Variants in TRPC4 observed in about 807,000 individuals in gnomAD.
The protein encoded by TRPC4 is short transient receptor potential channel 4.
Under a neutral mutation model 99.4 loss-of-function variants are expected in TRPC4, and 49 were observed. The observed-to-expected ratio is 0.49, with a 90% CI of 0.39 to 0.63. The LOEUF is 0.63. Among genes scored for constraint, TRPC4 ranks in the 20% least tolerant of loss-of-function variants. TRPC4 has a pLI of 0.00. For synonymous variants in TRPC4, 454 were observed against 425.9 expected (o/e 1.07, Z -0.81); for missense variants, 898 against 1,152.9 (o/e 0.78, Z 3.20).
intron 3 of TRPC4, among the ~76,000 whole-genome samples, chr13:37,745,436 GTATATATATATATATATA>G (rs1201385469): frequency 5.3e-4 from 11 of 20,710 alleles, no homozygotes; most frequent in African/African-American, 8.4e-4. Context: ...ATATATATGC[GTATATATATATATATATA>G]TATATATATA....
intron 1 of TRPC4, among the ~76,000 whole-genome samples, chr13:37,813,591 T>C (rs1410261848): frequency 6.6e-6 from 1 of 151,844 alleles, no homozygotes; most frequent in Non-Finnish European, 1.5e-5. Flanking sequence ...ACATTAAAAG[T>C]GTACAACTGT....
chr13:37,693,420 C>T lies in TRPC4; in HGVS notation c.898-1085G>A, dbSNP rs192343171. On this transcript the variant is annotated intron_variant, in intron 3 of 10. Coordinates refer to ENST00000379705, the MANE Select transcript of TRPC4 (RefSeq NM_016179.4). ...CTGATTGAAGGAGAAGTGTAAGTTCCTTGTAAGAGACTTGGAGAAGTTCTG... is the reference window on the plus strand; with the variant it reads ...CTGATTGAAGGAGAAGTGTAAGTTCTTTGTAAGAGACTTGGAGAAGTTCTG... Among the ~76,000 whole-genome samples the T allele has an allele frequency of 3.3e-3, 508 of 152,216 alleles. 6 individuals are homozygous for T. Among genetic ancestry groups the T allele is most frequent in the Non-Finnish European group, 3.1e-3 (213 of 68,010 alleles).
chr13:37,790,563 C>T (rs1450962262), intron 1 of TRPC4, among the ~76,000 whole-genome samples: 1 of 152,128 alleles, frequency 6.6e-6, no homozygotes, highest in African/African-American at 2.4e-5. Context: ...ATTTGCCTAC[C>T]TGGGCAAGCA....
intron 1 of TRPC4, among the ~76,000 whole-genome samples, chr13:37,837,247 C>T (rs1346645001): frequency 6.6e-6 from 1 of 152,266 alleles, no homozygotes; most frequent in Non-Finnish European, 1.5e-5. Flanking sequence ...ATCCCCCACA[C>T]AGAGTCCCTA....
intron 2 of TRPC4, among the ~76,000 whole-genome samples, chr13:37,771,317 A>C (rs1214657714): frequency 6.6e-6 from 1 of 151,744 alleles, no homozygotes; most frequent in Admixed American, 6.6e-5. Flanking sequence ...CCTTGTCCTC[A>C]CTTTCCTACT....
chr13:37,796,971 A>AAATAAAAT, intron 1 of TRPC4, among the ~76,000 whole-genome samples: 1 of 125,528 alleles, frequency 8.0e-6, no homozygotes, highest in South Asian at 2.4e-4. Context: ...AAATAAAATA[A>AAATAAAAT]AGTAAAGTAA....
rs779445100 is a variant in TRPC4, at chr13:37,663,555, A to G, written c.1549T>C (p.Leu517=). 1 of 1,614,102 alleles carries G rather than the reference A, an allele frequency of 6.2e-7. No individual in the cohort carries two copies. Among genetic ancestry groups the G allele is most frequent in the Non-Finnish European group, 8.5e-7 (1 of 1,180,034 alleles). ...ISLGRMLLDI[L]KFLFIYCLVL... ...AGGCAGTATATGAATAGAAACTTCA[A>G]AATGTCCAGGAGCATTCTTCCCAGA... The change falls in exon 6 of 11, where the codon TTG becomes CTG. Residue 517 remains leucine (L), a synonymous_variant. Coordinates refer to ENST00000379705, the MANE Select transcript of TRPC4 (RefSeq NM_016179.4).
chr13:37,658,609 A>G (rs1326664250), intron 6 of TRPC4, among the ~76,000 whole-genome samples: 1 of 152,204 alleles, frequency 6.6e-6, no homozygotes, highest in Non-Finnish European at 1.5e-5. Context: ...TCCAACAAAT[A>G]TAAAAGGGCT....
chr13:37,707,167 A>G (rs1460100908), intron 3 of TRPC4, among the ~76,000 whole-genome samples: 1 of 152,196 alleles, frequency 6.6e-6, no homozygotes, highest in Non-Finnish European at 1.5e-5. Context: ...TATAAGAACT[A>G]TCATTTTTAT....
chr13:37,701,275 T>TTTTTA (rs1015898941), intron 3 of TRPC4, among the ~76,000 whole-genome samples: 1 of 152,190 alleles, frequency 6.6e-6, no homozygotes, highest in African/African-American at 2.4e-5. Flanking sequence ...GGCGTAATTT[T>TTTTTA]ATTTTTTATT....
intron 8 of TRPC4, among the ~76,000 whole-genome samples, chr13:37,640,441 C>T (rs780690066): frequency 1.3e-5 from 2 of 152,112 alleles, no homozygotes; most frequent in Non-Finnish European, 2.9e-5. Context: ...ATGCATCTGT[C>T]TTTCATGATT....
chr13:37,799,769 G>C (rs368370250), intron 1 of TRPC4, among the ~76,000 whole-genome samples: 5 of 152,150 alleles, frequency 3.3e-5, no homozygotes, highest in Admixed American at 2.0e-4. Flanking sequence ...AAGAAGGTTC[G>C]ATCTGAAGAC....
intron 2 of TRPC4, among the ~76,000 whole-genome samples, chr13:37,751,010 G>T (rs1008920525): frequency 1.3e-5 from 2 of 152,042 alleles, no homozygotes; most frequent in African/African-American, 4.8e-5. Context: ...TCTTCCTATA[G>T]AAAATGGAGA....
chr13:37,672,053 A>C (rs1196075431), intron 5 of TRPC4, among the ~76,000 whole-genome samples: 1 of 152,208 alleles, frequency 6.6e-6, no homozygotes, highest in Non-Finnish European at 1.5e-5. Flanking sequence ...AATTCTAAAC[A>C]TGAAGAACAA....
intron 1 of TRPC4, among the ~76,000 whole-genome samples, chr13:37,795,745 T>C (rs1341167576): frequency 6.6e-6 from 1 of 152,174 alleles, no homozygotes; most frequent in East Asian, 1.9e-4. Context: ...CTGTACCTTT[T>C]CAAAATTTTT....
chr13:37,694,274 G>A (rs1953836454), intron 3 of TRPC4, among the ~76,000 whole-genome samples: 1 of 152,142 alleles, frequency 6.6e-6, no homozygotes, highest in Non-Finnish European at 1.5e-5. Context: ...ACAAGCAGTT[G>A]CCATCATCTT....
At chr13:37,826,807 T>A (rs1958233206) in intron 1 of TRPC4, among the ~76,000 whole-genome samples, 2 of 152,186 alleles carry the variant, frequency 1.3e-5, no homozygotes, top group South Asian at 4.1e-4. Context: ...TTCCTGAATC[T>A]GAATGTTGCC....
In TRPC4 at chr13:37,823,315, C is replaced by T. The variant is rs764781097; in HGVS notation, c.-27-39955G>A. Among the ~76,000 whole-genome samples the T allele has an allele frequency of 6.5e-3, 987 of 151,670 alleles. 5 individuals carry two copies. The highest frequency in any genetic ancestry group is 0.011 in the Non-Finnish European group (750 of 67,926). On this transcript the variant is annotated intron_variant, in intron 1 of 10. Transcript: ENST00000379705. Reference sequence around the variant, plus strand: ...TCATTTTTGGCTTTTGTTGCCATTGCTTTTGGTGTTTTAGATATGAAGTCC... The same window carrying T: ...TCATTTTTGGCTTTTGTTGCCATTGTTTTTGGTGTTTTAGATATGAAGTCC...
At chr13:37,735,946 G>A (rs1047033646) in intron 3 of TRPC4, among the ~76,000 whole-genome samples, 1 of 152,100 alleles carries the variant, frequency 6.6e-6, no homozygotes, top group African/African-American at 2.4e-5. Context: ...TGTTTAAAAG[G>A]ACAAATTTAT....
Sources: gnomAD v4.1 joint callset for allele counts (sites outside exome capture counted in the v4.1 genomes callset) on GRCh38, gnomAD v4.1.1 for gene constraint, MANE v1.5 for transcripts, NCBI Gene and HGNC (gene_info 2026-07-23, HGNC 2026-07-21) for gene names.